Variants in SLC10A7 observed in about 807,000 individuals in gnomAD.
The protein encoded by SLC10A7 is solute carrier family 10 member 7, also known as sodium/bile acid cotransporter 7.
SLC10A7 carries 29 observed loss-of-function variants against 43.2 expected under a neutral mutation model. That is an observed-to-expected ratio of 0.67 (90% CI 0.50 to 0.92). The LOEUF (loss-of-function observed/expected upper bound fraction) is 0.92, where lower values mean the gene tolerates loss of function less well. Among genes scored for constraint, SLC10A7 ranks in the 40% least tolerant of loss-of-function variants. The pLI is 0.00. For missense variants in SLC10A7, 295 were observed against 403.2 expected (o/e 0.73, Z 2.30); for synonymous variants, 152 against 144.8 (o/e 1.05, Z -0.35).
chr4:146,358,820 A>G (rs905224867), intron 5 of SLC10A7, among the ~76,000 whole-genome samples: 3 of 152,188 alleles, frequency 2.0e-5, no homozygotes, highest in Non-Finnish European at 2.9e-5. Flanking sequence ...CACATAAAAA[A>G]GTTGCTAAAA....
In SLC10A7 at chr4:146,443,539, A is replaced by G. The variant is rs190773267; in HGVS notation, c.397-718T>C. ...CCTGCAAGCTTCTCACATTACCCAA[A>G]AAGGAAAAAACTTGTATAACATCCA... On this transcript the variant is annotated intron_variant, in intron 4 of 11. Transcript: ENST00000335472. Among the ~76,000 whole-genome samples, 422 of 152,368 alleles carry G rather than the reference A, an allele frequency of 2.8e-3. 4 individuals are homozygous for G. Among genetic ancestry groups the G allele is most frequent in the Middle Eastern group, 0.01 (3 of 294 alleles).
At chr4:146,350,492 C>A (rs1257631369) in intron 5 of SLC10A7, among the ~76,000 whole-genome samples, 1 of 142,760 alleles carries the variant, frequency 7.0e-6, no homozygotes, top group Non-Finnish European at 1.5e-5. Flanking sequence ...CTTAGGTAAA[C>A]AAAGCAGCCG....
At chr4:146,390,098 G>A (rs1738308254) in intron 5 of SLC10A7, among the ~76,000 whole-genome samples, 1 of 152,168 alleles carries the variant, frequency 6.6e-6, no homozygotes, top group South Asian at 2.1e-4. Flanking sequence ...AAGACATCTA[G>A]ATTCTGCTAT....
chr4:146,446,668 G>T (rs1451112052), intron 4 of SLC10A7, among the ~76,000 whole-genome samples: 2 of 151,478 alleles, frequency 1.3e-5, no homozygotes, highest in Non-Finnish European at 2.9e-5. Flanking sequence ...CTCACCCTAA[G>T]CACCCACTTG....
intron 7 of SLC10A7, among the ~76,000 whole-genome samples, chr4:146,295,136 C>T (rs537483001): frequency 6.6e-6 from 1 of 152,220 alleles, no homozygotes; most frequent in South Asian, 2.1e-4. Flanking sequence ...TTTACAGATG[C>T]TCAAGAATAA....
At chr4:146,374,048 G>A (rs752363976) in intron 5 of SLC10A7, among the ~76,000 whole-genome samples, 11 of 152,178 alleles carry the variant, frequency 7.2e-5, no homozygotes, top group Non-Finnish European at 1.5e-4. Flanking sequence ...CTAGGAAAAT[G>A]GGCAAACTGG....
At chr4:146,280,538 A>G (rs1051080259) in intron 10 of SLC10A7, among the ~76,000 whole-genome samples, 3 of 152,192 alleles carry the variant, frequency 2.0e-5, no homozygotes, top group Admixed American at 6.6e-5. Flanking sequence ...AAAAATAAAA[A>G]CAAACAAAAA....
At chr4:146,442,994 C>T (rs796686873) in intron 4 of SLC10A7, among the ~76,000 whole-genome samples, 173 bp from the exon 5 acceptor site, 1 of 152,086 alleles carries the variant, frequency 6.6e-6, no homozygotes, top group Non-Finnish European at 1.5e-5. Context: ...TTTACTAAGA[C>T]AGATGAGCTA....
At chr4:146,445,211 G>A (rs1377541620) in intron 4 of SLC10A7, among the ~76,000 whole-genome samples, 1 of 152,032 alleles carries the variant, frequency 6.6e-6, no homozygotes, top group Non-Finnish European at 1.5e-5. Context: ...TTCTACTTTG[G>A]TAATTCTATT....
intron 5 of SLC10A7, among the ~76,000 whole-genome samples, chr4:146,349,392 A>T (rs865889903): frequency 6.6e-6 from 1 of 152,220 alleles, no homozygotes; most frequent in Non-Finnish European, 1.5e-5. Flanking sequence ...AAAAGGGAAC[A>T]CTGGTACACT....
At chr4:146,368,677 T>C (rs1243218377) in intron 5 of SLC10A7, among the ~76,000 whole-genome samples, 1 of 152,194 alleles carries the variant, frequency 6.6e-6, no homozygotes, top group Non-Finnish European at 1.5e-5. Context: ...GCTATTAAAT[T>C]GGCTTTGAGT....
intron 5 of SLC10A7, among the ~76,000 whole-genome samples, chr4:146,406,744 A>G (rs1475939227): frequency 1.3e-5 from 2 of 152,096 alleles, no homozygotes; most frequent in African/African-American, 4.8e-5. Flanking sequence ...GCACTTTAGG[A>G]GGCAGAGGCG....
chr4:146,411,280 T>C (rs767110238), intron 5 of SLC10A7, among the ~76,000 whole-genome samples: 7 of 152,142 alleles, frequency 4.6e-5, no homozygotes, highest in Non-Finnish European at 1.0e-4. Context: ...TGGTGCCCTA[T>C]AGCAAAGTCA....
Position 146,254,001 on chromosome 4 carries a change from T to C in SLC10A7, c.*2490A>G, listed in dbSNP as rs1727775907. The C allele has an allele frequency of 6.6e-6, 1 of 152,236 alleles. No individual in the cohort carries two copies. Among genetic ancestry groups the C allele is most frequent in the Non-Finnish European group, 1.5e-5 (1 of 68,038 alleles). 9.4% of individuals were successfully genotyped at this position (152,236 alleles called of 1,614,324 possible). A position where few individuals can be genotyped will look rare whatever the true frequency, so the allele number is the denominator to read the frequency against. ...TTCTCTTGTGATTTCTGAAACATTCTTTGTTTAATCATATAATTATTTTCA... is the reference window on the plus strand; with the variant it reads ...TTCTCTTGTGATTTCTGAAACATTCCTTGTTTAATCATATAATTATTTTCA... On this transcript the variant is annotated 3_prime_UTR_variant, in exon 12 of 12. Coordinates refer to ENST00000335472, the MANE Select transcript of SLC10A7 (RefSeq NM_001029998.6).
At chr4:146,293,349 A>G (rs1257653435) in intron 8 of SLC10A7, among the ~76,000 whole-genome samples, 1 of 152,228 alleles carries the variant, frequency 6.6e-6, no homozygotes, top group African/African-American at 2.4e-5. Flanking sequence ...TTGATATTAC[A>G]ACATTAGTAA....
intron 7 of SLC10A7, among the ~76,000 whole-genome samples, chr4:146,299,438 C>T (rs777833294): frequency 6.6e-6 from 1 of 152,162 alleles, no homozygotes; most frequent in South Asian, 2.1e-4. Flanking sequence ...ATGATACATA[C>T]TAAGCTGAAG....
intron 10 of SLC10A7, among the ~76,000 whole-genome samples, chr4:146,274,801 A>T (rs1262525805): frequency 6.6e-6 from 1 of 152,210 alleles, no homozygotes; most frequent in Non-Finnish European, 1.5e-5. Context: ...GTAGTATGTC[A>T]TAAGTAGTTA....
chr4:146,304,953 A>G (rs554537883), intron 7 of SLC10A7, among the ~76,000 whole-genome samples: 2 of 152,140 alleles, frequency 1.3e-5, no homozygotes, highest in Admixed American at 6.5e-5. Context: ...GTGCATATAT[A>G]TTTAGGATAG....
chr4:146,483,687 TA>T (rs934601120), intron 4 of SLC10A7, among the ~76,000 whole-genome samples: 2 of 151,348 alleles, frequency 1.3e-5, no homozygotes, highest in African/African-American at 4.8e-5. Flanking sequence ...ATGATTGGAT[TA>T]AAAAAAAACC....
Sources: gnomAD v4.1 joint callset for allele counts (sites outside exome capture counted in the v4.1 genomes callset) on GRCh38, gnomAD v4.1.1 for gene constraint, MANE v1.5 for transcripts, NCBI Gene and HGNC (gene_info 2026-07-23, HGNC 2026-07-21) for gene names.